Variants in NLE1 observed in about 807,000 individuals in gnomAD.
NLE1 encodes notchless protein homolog 1.
In NLE1, 37 loss-of-function variants were observed where a neutral mutation model predicts 62.8. The ratio of observed to expected loss-of-function variants is 0.59; its 90% CI spans 0.45 to 0.78. The LOEUF (loss-of-function observed/expected upper bound fraction) is 0.78, where lower values mean the gene tolerates loss of function less well. NLE1 is among the 30% of genes least tolerant of loss of function. The pLI, the probability that NLE1 is intolerant of heterozygous loss-of-function variation, is 0.00. For synonymous variants in NLE1, 243 were observed against 253.0 expected, an observed-to-expected ratio of 0.96 and a Z score of 0.37; for missense variants, 555 against 637.9, an observed-to-expected ratio of 0.87 and a Z score of 1.40.
At position 35,133,450 on chromosome 17, in the gene NLE1, C is replaced by T. The variant is rs145494138; in HGVS notation, c.1263G>A (p.Ala421=). ...RGHVAAVYQI[A]WSADSRLLVS... ...CCAGGAGCCGACTGTCAGCTGACCA[C>T]GCAATCTGGTACACGGCAGCCACGT... Residue 421 remains alanine, a synonymous_variant, in exon 11 of 13, where the codon GCG becomes GCA. Coordinates refer to ENST00000442241, the MANE Select transcript of NLE1 (RefSeq NM_018096.5). The T allele has an allele frequency of 3.0e-5, 49 of 1,613,970 alleles. No homozygotes were observed. The highest frequency in any genetic ancestry group is 3.3e-4 in the Middle Eastern group (2 of 6,062).
chr17:35,128,955 C>A lies in NLE1; in HGVS notation c.*3482G>T. 1 of 168,848 alleles carries A rather than the reference C, an allele frequency of 5.9e-6. No individual in the cohort carries two copies. The highest frequency in any genetic ancestry group is 1.3e-5 in the Non-Finnish European group (1 of 77,588). 10.5% of individuals were successfully genotyped at this position (168,848 alleles called of 1,614,324 possible). A position where few individuals can be genotyped will look rare whatever the true frequency, so the allele number is the denominator to read the frequency against. ...AAGGAGCATTCAACTTAGATCCCTC[C>A]CATACAATTCACAATAGGGTTCACG... On this transcript the variant is annotated 3_prime_UTR_variant, in exon 13 of 13. Transcript: ENST00000442241.
rs1378384430 is a variant in NLE1 at position 35,142,048 on chromosome 17, G to C, written c.93C>G (p.Ser31=). The part of the protein sequence containing the change: ...FQDEGGQLLG[S]PFDVPVDITP... ...TGATGTCCACGGGCACGTCGAACGGGGAACCCAGCAGCTGCCCGCCCTCAT... is the reference window on the plus strand; with the variant it reads ...TGATGTCCACGGGCACGTCGAACGGCGAACCCAGCAGCTGCCCGCCCTCAT... The change falls in exon 2 of 13, where the codon TCC becomes TCG. Residue 31 remains serine, a synonymous_variant. Coordinates refer to ENST00000442241, the MANE Select transcript of NLE1 (RefSeq NM_018096.5). 3 of 1,612,278 alleles carry C rather than the reference G, an allele frequency of 1.9e-6. No individual in the cohort carries two copies. The African/African-American group carries it at 4.0e-5, about 22-fold the overall frequency.
chr17:35,129,273 T>C lies in NLE1; in HGVS notation c.*3164A>G, dbSNP rs1018845752. 2 of 971,250 alleles carry C rather than the reference T, an allele frequency of 2.1e-6. No individual in the cohort carries two copies. Among genetic ancestry groups the C allele is most frequent in the East Asian group, 4.8e-5 (2 of 41,476 alleles). 60.2% of individuals were successfully genotyped at this position (971,250 alleles called of 1,614,324 possible). On this transcript the variant is annotated 3_prime_UTR_variant, in exon 13 of 13. Coordinates refer to ENST00000442241, the MANE Select transcript of NLE1 (RefSeq NM_018096.5). Reference sequence around the variant, plus strand: ...GGGGCAGGGGTTCCACACTCAGTGCTGCAGTACCTTGCACCTTCCATCTGA... The same window carrying C: ...GGGGCAGGGGTTCCACACTCAGTGCCGCAGTACCTTGCACCTTCCATCTGA...
At chr17:35,140,176 C>T in intron 2 of NLE1, 110 bp from the exon 3 acceptor site, 1 of 1,292,180 alleles carries the variant, frequency 7.7e-7, no homozygotes, top group Non-Finnish European at 1.1e-6. Flanking sequence ...TCTTTTCAGC[C>T]ATCGTGCTAG....
intron 9 of NLE1, 26 bp from the exon 10 acceptor site, chr17:35,135,477 G>A: frequency 6.2e-7 from 1 of 1,608,666 alleles, no homozygotes; most frequent in Non-Finnish European, 8.5e-7. Flanking sequence ...AGCACACTGT[G>A]TTGGGTGTGG....
rs1213922522 is a variant in NLE1 at position 35,142,101 on chromosome 17, C to A, written c.40G>T (p.Val14Leu). The A allele has an allele frequency of 1.2e-6, 2 of 1,612,080 alleles. No individual in the cohort carries two copies. The highest frequency in any genetic ancestry group is 4.5e-5 in the East Asian group (2 of 44,868). ...AVPDEAVARD[V>L]QRLLVQFQDE... The stretch of plus-strand genomic sequence containing the variant: ...TGGAACTGCACTAGCAACCGCTGCA[C>A]ATCGCGCGCCACCGCCTCGTCCTGC... The change falls in exon 2 of 13, where the codon GTG (valine) becomes TTG (leucine). Residue 14 changes from valine to leucine, a missense_variant. Physicochemically the swap from Val to Leu is conservative, Grantham distance 32. Coordinates refer to ENST00000442241, the MANE Select transcript of NLE1 (RefSeq NM_018096.5).
rs755448296 is a variant in NLE1, at chr17:35,136,131, T to G, written c.1011+38A>C. 18 of 1,611,140 alleles carry G rather than the reference T, an allele frequency of 1.1e-5. No homozygotes were observed. The African/African-American group carries it at 2.3e-4, about 20-fold the overall frequency. ...GTTTTAGTGATTGGCTAAGGACTGG[T>G]ACAGAGCTAGGGGTGCACGTGGCTG... On this transcript the variant is annotated intron_variant, in intron 9 of 12. Transcript: ENST00000442241.
At chr17:35,138,502 G>T (rs953892234) in intron 4 of NLE1, among the ~76,000 whole-genome samples, 4 of 152,108 alleles carry the variant, frequency 2.6e-5, no homozygotes, top group Admixed American at 6.5e-5. Flanking sequence ...GGAGTGCAGT[G>T]GTGCCATCTC....
rs75205451 is a variant in NLE1 at position 35,136,234 on chromosome 17, G to A, written c.965-19C>T. On this transcript the variant is annotated intron_variant, in intron 8 of 12. Coordinates refer to ENST00000442241, the MANE Select transcript of NLE1 (RefSeq NM_018096.5). ...TCCTGCACTGTGACCAGGTACCGGA[G>A]GGGAGAAAAGGAGATGAGGAAGAAG... 10,377 of 1,613,894 alleles carry A rather than the reference G, an allele frequency of 6.4e-3. 552 individuals are homozygous for A. In the African/African-American group the frequency reaches 0.12, roughly 18 times the overall value.
Position 35,142,253 on chromosome 17 carries a change from C to G in NLE1, c.18+5G>C. On this transcript the variant is annotated splice_donor_5th_base_variant and intron_variant, in intron 1 of 12. Transcript: ENST00000442241. ...CGCCCCCCGCCCCCATCCACGCACA[C>G]CCACCGGCACTGCTGCCGCCATCCT... 6.5e-6 allele frequency: 10 copies of G among 1,548,356 alleles called. No homozygotes were observed. The highest frequency in any genetic ancestry group is 8.7e-6 in the Non-Finnish European group (10 of 1,149,138).
At chr17:35,134,180 G>A (rs2091894625) in intron 10 of NLE1, among the ~76,000 whole-genome samples, 1 of 152,136 alleles carries the variant, frequency 6.6e-6, no homozygotes, top group Non-Finnish European at 1.5e-5. Flanking sequence ...TTGTTAAAAT[G>A]AAGAATCAGA....
rs117226259 is a variant in NLE1, at chr17:35,129,890, T to C, written c.*2547A>G. ...ACGAATGTATTTTTCAACATCACTA[T>C]AATGTTCCCCTTCCAAAGCCATTGG... On this transcript the variant is annotated 3_prime_UTR_variant, in exon 13 of 13. Transcript: ENST00000442241. 3.1e-5 allele frequency: 43 copies of C among 1,406,634 alleles called. No individual in the cohort carries two copies. Among genetic ancestry groups the C allele is most frequent in the Non-Finnish European group, 3.9e-5 (42 of 1,082,928 alleles). 87.1% of individuals were successfully genotyped at this position (1,406,634 alleles called of 1,614,324 possible).
chr17:35,130,662 C>CTA lies in NLE1; in HGVS notation c.*1773_*1774dup. 1 of 536,282 alleles carries CTA rather than the reference C, an allele frequency of 1.9e-6. No individual in the cohort carries two copies. Among genetic ancestry groups the CTA allele is most frequent in the South Asian group, 2.4e-5 (1 of 41,484 alleles). 33.2% of individuals were successfully genotyped at this position (536,282 alleles called of 1,614,324 possible). A position where few individuals can be genotyped will look rare whatever the true frequency, so the allele number is the denominator to read the frequency against. ...CAGGCTCAGCCACTGCCCACAGCTGCTAGACTCCCTCCTCCTCCAAATCTG... is the reference window on the plus strand; with the variant it reads ...CAGGCTCAGCCACTGCCCACAGCTGCTATAGACTCCCTCCTCCTCCAAATCTG... On this transcript the variant is annotated 3_prime_UTR_variant, in exon 13 of 13. Transcript: ENST00000442241.
In NLE1 at chr17:35,131,075, C is replaced by G. The variant is rs922097754; in HGVS notation, c.*1362G>C. The G allele has an allele frequency of 6.6e-6, 1 of 152,246 alleles. No homozygotes were observed. Among genetic ancestry groups the G allele is most frequent in the African/African-American group, 2.4e-5 (1 of 41,368 alleles). The allele number at this position is 152,246 out of a possible 1,614,324, so 9.4% of individuals were successfully genotyped here. A position where few individuals can be genotyped will look rare whatever the true frequency, so the allele number is the denominator to read the frequency against. ...CAGGGCCTGGTTTAATCCCAGCTTT[C>G]TCTTACTAGATGTGAGGGCATGGGC... is the stretch of plus-strand genomic sequence containing the variant. On this transcript the variant is annotated 3_prime_UTR_variant, in exon 13 of 13. Transcript: ENST00000442241.
intron 10 of NLE1, among the ~76,000 whole-genome samples, 168 bp from the exon 11 acceptor site, chr17:35,133,666 T>A (rs1567744082): frequency 6.6e-6 from 1 of 152,170 alleles, no homozygotes; most frequent in Non-Finnish European, 1.5e-5. Context: ...AGACCATTTT[T>A]AATCATTACC....
chr17:35,130,180 GT>G lies in NLE1; in HGVS notation c.*2256del. On this transcript the variant is annotated 3_prime_UTR_variant, in exon 13 of 13. Coordinates refer to ENST00000442241, the MANE Select transcript of NLE1 (RefSeq NM_018096.5). ...GCTAGGTTGGATAAGGCTGTTTAAG[GT>G]CTGAGTCAGCAGACAGAAAAAAAAG... is the stretch of plus-strand genomic sequence containing the variant. 6.6e-7 allele frequency: 1 copy of G among 1,507,422 alleles called. No homozygotes were observed. Among genetic ancestry groups the G allele is most frequent in the South Asian group, 1.4e-5 (1 of 74,004 alleles). 93.4% of individuals were successfully genotyped at this position (1,507,422 alleles called of 1,614,324 possible).
At chr17:35,141,546 C>A (rs2091943777) in intron 2 of NLE1, among the ~76,000 whole-genome samples, 1 of 122,702 alleles carries the variant, frequency 8.1e-6, no homozygotes, top group African/African-American at 3.9e-5. Flanking sequence ...AAGTGAGACT[C>A]CGTCTCAAAA....
At position 35,129,265 on chromosome 17, in the gene NLE1, C is replaced by T. The variant is rs1224649183; in HGVS notation, c.*3172G>A. The T allele has an allele frequency of 2.2e-6, 2 of 910,088 alleles. No homozygotes were observed. Among genetic ancestry groups the T allele is most frequent in the Non-Finnish European group, 1.7e-6 (1 of 595,078 alleles). 56.4% of individuals were successfully genotyped at this position (910,088 alleles called of 1,614,324 possible). On this transcript the variant is annotated 3_prime_UTR_variant, in exon 13 of 13. Coordinates refer to ENST00000442241, the MANE Select transcript of NLE1 (RefSeq NM_018096.5). ...CATGCTTCGGGGCAGGGGTTCCACA[C>T]TCAGTGCTGCAGTACCTTGCACCTT...
At position 35,135,391 on chromosome 17, in the gene NLE1, G is replaced by T. The variant is rs770729424; in HGVS notation, c.1072C>A (p.Pro358Thr). 6.2e-6 allele frequency: 10 copies of T among 1,614,152 alleles called. No individual in the cohort carries two copies. The highest frequency in any genetic ancestry group is 8.5e-6 in the Non-Finnish European group (10 of 1,180,030). ...SDDFTLFLWS[P>T]AEDKKPLTRM... is the part of the protein sequence containing the mutation. ...GTGAGAGGCTTTTTGTCCTCTGCTG[G>T]GGACCACAGGAATAAGGTGAAGTCG... is the stretch of plus-strand genomic sequence containing the variant. Residue 358 changes from proline (P) to threonine (T), a missense_variant, in exon 10 of 13, where the codon CCA becomes ACA. Pro to Thr is a conservative substitution (Grantham distance 38, BLOSUM62 -1). Transcript: ENST00000442241.
Sources: gnomAD v4.1 joint callset for allele counts (sites outside exome capture counted in the v4.1 genomes callset) on GRCh38, gnomAD v4.1.1 for gene constraint, MANE v1.5 for transcripts, NCBI Gene and HGNC (gene_info 2026-07-23, HGNC 2026-07-21) for gene names.